TMEM50B: variants seen among roughly 807,000 people sequenced by gnomAD.
TMEM50B encodes transmembrane protein 50B, also known as HCV p7-trans-regulated protein 3.
In TMEM50B, 14 loss-of-function variants were observed where a neutral mutation model predicts 23.4. The ratio of observed to expected loss-of-function variants is 0.60; its 90% confidence interval spans 0.39 to 0.93. TMEM50B has a LOEUF of 0.93. Ranked by LOEUF, TMEM50B falls within the 40% of genes least tolerant of loss-of-function variation. The pLI is 0.00. For synonymous variants in TMEM50B, 64 were observed against 62.3 expected, an observed-to-expected ratio of 1.03 and a Z score of -0.13; for missense variants, 159 against 193.0, an observed-to-expected ratio of 0.82 and a Z score of 1.04.
chr21:33,473,654 CAAAA>C (rs145070351), intron 1 of TMEM50B, among the ~76,000 whole-genome samples: 4 of 118,962 alleles, frequency 3.4e-5, no homozygotes, highest in African/African-American at 1.4e-4. Context: ...GACCTTGTCT[CAAAA>C]AAAAAAAAAA....
downstream of TMEM50B, among the ~76,000 whole-genome samples, chr21:33,447,709 C>A (rs2084076590): frequency 9.2e-6 from 1 of 108,852 alleles, no homozygotes; most frequent in Non-Finnish European, 1.8e-5. Context: ...CACACACACA[C>A]ACACACACAC....
intron 6 of TMEM50B, among the ~76,000 whole-genome samples, chr21:33,453,653 T>C (rs962881650): frequency 2.6e-5 from 4 of 152,012 alleles, no homozygotes; most frequent in East Asian, 1.9e-4. Flanking sequence ...TCAAGAAAAC[T>C]AGACCACAGT....
intron 5 of TMEM50B, chr21:33,456,220 A>G (rs1215379881): frequency 9.4e-6 from 4 of 423,428 alleles, no homozygotes; most frequent in Non-Finnish European, 1.9e-5. Flanking sequence ...ATGGGGCCTC[A>G]CTATATTGCC....
intron 4 of TMEM50B, among the ~76,000 whole-genome samples, chr21:33,464,804 C>CAAAAAAAAAAAAAA (rs59855166): frequency 9.6e-4 from 97 of 100,860 alleles, no homozygotes; most frequent in Non-Finnish European, 1.5e-3. Flanking sequence ...AACTCCGTCT[C>CAAAAAAAAAAAAAA]AAAAAAAAAA....
intron 8 of TMEM50B, chr21:33,432,858 T>C: frequency 6.2e-7 from 1 of 1,612,880 alleles, no homozygotes. Context: ...AGCATCCCAT[T>C]ACAGATAGAA....
intron 5 of TMEM50B, among the ~76,000 whole-genome samples, chr21:33,459,927 C>T (rs2084202913): frequency 6.6e-6 from 1 of 152,096 alleles, no homozygotes; most frequent in African/African-American, 2.4e-5. Context: ...TTCATTCCTA[C>T]AATAAAACAT....
intron 1 of TMEM50B, among the ~76,000 whole-genome samples, chr21:33,473,457 GAAAAAAAA>G (rs35814774): frequency 1.2e-5 from 1 of 84,856 alleles, no homozygotes; most frequent in Non-Finnish European, 2.2e-5. Flanking sequence ...TGTCTCGGAA[GAAAAAAAA>G]AAAAAAAAAA....
intron 5 of TMEM50B, among the ~76,000 whole-genome samples, chr21:33,457,942 A>C (rs942312709): frequency 2.6e-5 from 4 of 152,126 alleles, no homozygotes; most frequent in African/African-American, 9.7e-5. Flanking sequence ...GTCAATCACA[A>C]ACGGCTAAGC....
chr21:33,457,854 A>G (rs1342831562), intron 5 of TMEM50B, among the ~76,000 whole-genome samples: 6 of 152,054 alleles, frequency 3.9e-5, no homozygotes, highest in Non-Finnish European at 5.9e-5. Flanking sequence ...GTGTGACCCC[A>G]ACCCACCCCC....
rs121913219 is a variant in TMEM50B, at chr21:33,436,837, G to A, written c.*2120+2377C>T. On this transcript the variant is annotated intron_variant and NMD_transcript_variant, in intron 8 of 8. Coordinates refer to the TMEM50B transcript ENST00000420455. ...TTCCAACCTCCTCAAGTATTTAAAA[G>A]ACCCAACTCAGCCCATCTTAGAGGC... 1.4e-5 allele frequency: 22 copies of A among 1,614,036 alleles called. No homozygotes were observed. In the African/African-American group the frequency reaches 2.8e-4, roughly 21 times the overall value.
intron 5 of TMEM50B, among the ~76,000 whole-genome samples, chr21:33,458,716 T>C (rs1416775653): frequency 6.6e-6 from 1 of 152,224 alleles, no homozygotes; most frequent in Non-Finnish European, 1.5e-5. Flanking sequence ...CTGCATATTT[T>C]AAATGGCTGA....
rs59855166 is a variant in TMEM50B, at chr21:33,464,804, CAA to C, written c.280+536_280+537del. Among the ~76,000 whole-genome samples, 24 of 100,896 alleles carry C rather than the reference CAA, an allele frequency of 2.4e-4. 1 individual carries two copies. Among genetic ancestry groups the C allele is most frequent in the East Asian group, 1.3e-3 (5 of 3,730 alleles). 66.2% of individuals were successfully genotyped at this position (100,896 alleles called of 152,430 possible). On this transcript the variant is annotated intron_variant, in intron 4 of 6. Coordinates refer to ENST00000542230, the MANE Select transcript of TMEM50B (RefSeq NM_006134.7). ...GGGAAAGAAGAGCTAAACTCCGTCT[CAA>C]AAAAAAAAAAAAAAAAAACAAAAAT...
At chr21:33,467,977 T>C (rs999379883) in intron 2 of TMEM50B, among the ~76,000 whole-genome samples, 3 of 151,538 alleles carry the variant, frequency 2.0e-5, no homozygotes, top group Non-Finnish European at 4.4e-5. Flanking sequence ...CTTGAGACCA[T>C]GAATTTGAAG....
At chr21:33,441,568 G>C (rs144068715) in intron 7 of TMEM50B, among the ~76,000 whole-genome samples, 379 of 152,270 alleles carry the variant, frequency 2.5e-3, no homozygotes, top group Non-Finnish European at 4.2e-3. Context: ...AGTGTTTGTT[G>C]TGTAAGGCGG....
At chr21:33,452,717 A>C (rs978702987) in intron 6 of TMEM50B, among the ~76,000 whole-genome samples, 1 of 152,226 alleles carries the variant, frequency 6.6e-6, no homozygotes, top group African/African-American at 2.4e-5. Context: ...AACAAAGCTT[A>C]AAAACATTTA....
chr21:33,450,816 T>C lies in TMEM50B; in HGVS notation c.*2A>G. 1 of 1,612,246 alleles carries C rather than the reference T, an allele frequency of 6.2e-7. No individual in the cohort carries two copies. Among genetic ancestry groups the C allele is most frequent in the East Asian group, 2.2e-5 (1 of 44,818 alleles). ...AAGGAAAATGTGACTTAAGAAGTGA[T>C]CTCAGGTCCATAGCTCTTCGGTTCT... On this transcript the variant is annotated 3_prime_UTR_variant, in exon 7 of 7. Coordinates refer to ENST00000542230, the MANE Select transcript of TMEM50B (RefSeq NM_006134.7).
At chr21:33,444,792 C>T (rs1378591107), downstream of TMEM50B, among the ~76,000 whole-genome samples, 2 of 100,450 alleles carry the variant, frequency 2.0e-5, no homozygotes, top group Non-Finnish European at 3.7e-5. Context: ...TAGTGAGACT[C>T]CATCTCTTTA....
intron 3 of TMEM50B, among the ~76,000 whole-genome samples, 168 bp downstream of exon 3, chr21:33,466,842 A>G (rs1028320538): frequency 2.0e-5 from 3 of 152,150 alleles, no homozygotes; most frequent in Non-Finnish European, 2.9e-5. Context: ...CAAATCCAAC[A>G]CTCATTCTTG....
chr21:33,472,569 A>C (rs2084327825), intron 1 of TMEM50B, among the ~76,000 whole-genome samples: 1 of 151,712 alleles, frequency 6.6e-6, no homozygotes, highest in Non-Finnish European at 1.5e-5. Context: ...TAAGAAATAA[A>C]AAAATTTTGA....
Sources: allele counts gnomAD v4.1 joint callset (sites outside exome capture counted in the v4.1 genomes callset), GRCh38; gene constraint gnomAD v4.1.1; transcripts MANE v1.5; gene names NCBI Gene and HGNC (gene_info 2026-07-23, HGNC 2026-07-21).